The following PPM1F variants were observed in gnomAD, a reference collection of about 807,000 sequenced individuals.
The protein encoded by PPM1F is protein phosphatase, Mg2+/Mn2+ dependent 1F.
In PPM1F, 17 loss-of-function variants were observed where a neutral mutation model predicts 35.5. The observed-to-expected ratio is 0.48, with a 90% CI of 0.33 to 0.72. The LOEUF (loss-of-function observed/expected upper bound fraction) is 0.72, where lower values mean the gene tolerates loss of function less well. Among genes scored for constraint, PPM1F ranks in the 30% least tolerant of loss-of-function variants. PPM1F has a pLI of 0.02. For synonymous variants in PPM1F, 241 were observed against 255.5 expected, an observed-to-expected ratio of 0.94 and a Z score of 0.54; for missense variants, 521 against 613.0, an observed-to-expected ratio of 0.85 and a Z score of 1.59.
In PPM1F at chr22:21,922,983, T is replaced by C. The variant is rs2070464429; in HGVS notation, c.*109A>G. 9.2e-6 allele frequency: 13 copies of C among 1,413,338 alleles called. No homozygotes were observed. Among genetic ancestry groups the C allele is most frequent in the Non-Finnish European group, 1.2e-5 (13 of 1,044,450 alleles). 87.5% of individuals were successfully genotyped at this position (1,413,338 alleles called of 1,614,324 possible). A position where few individuals can be genotyped will look rare whatever the true frequency, so the allele number is the denominator to read the frequency against. On this transcript the variant is annotated 3_prime_UTR_variant, in exon 8 of 8. Transcript: ENST00000263212. ...GGCTCTGGGGTGCTGGGGAAAGCAC[T>C]GTGGGGCGGGCACCCTGTCCACTGC...
intron 7 of PPM1F, 53 bp downstream of exon 7, chr22:21,925,516 C>T (rs534379920): frequency 2.6e-6 from 4 of 1,544,660 alleles, no homozygotes; most frequent in Admixed American, 1.7e-5. Context: ...ACACTCGAGG[C>T]CTGGGCTTCC....
At position 21,926,359 on chromosome 22, in the gene PPM1F, C is replaced by G. The variant is rs181569848; in HGVS notation, c.892-697G>C. Among the ~76,000 whole-genome samples, 8 of 152,144 alleles carry G rather than the reference C, an allele frequency of 5.3e-5. No individual in the cohort carries two copies. In the East Asian group the frequency reaches 1.4e-3, roughly 26 times the overall value. ...AAGTTGGCCAGACTGGTCTCGATCT[C>G]CTGACCTCATGATCCACCCTCCTCG... On this transcript the variant is annotated intron_variant, in intron 6 of 7. Coordinates refer to ENST00000263212, the MANE Select transcript of PPM1F (RefSeq NM_014634.4).
At chr22:21,946,331 G>C (rs1053812763) in intron 1 of PPM1F, 3 of 338,728 alleles carry the variant, frequency 8.9e-6, no homozygotes, top group African/African-American at 2.1e-5. Context: ...GCAGCTGGGT[G>C]GACATTGTCA....
At chr22:21,923,515 C>T in intron 7 of PPM1F, 44 bp from the exon 8 acceptor site, 1 of 1,549,690 alleles carries the variant, frequency 6.5e-7, no homozygotes, top group Admixed American at 1.8e-5. Flanking sequence ...CCACGGTGTC[C>T]ACAGCTTCCT....
chr22:21,923,095 G>C lies in PPM1F; in HGVS notation c.1362C>G (p.Ser454Arg). Residue 454 changes from serine to arginine, a missense_variant, in exon 8 of 8, where the codon AGC (serine) becomes AGG (arginine). Ser to Arg is a moderately radical substitution (Grantham distance 110). Around this residue, in one of 3 missense-constraint regions of PPM1F, gnomAD observed 163 missense variants for 169.6 expected, o/e 0.96. Transcript: ENST00000263212. Reference protein sequence around the residue: ...PEPETQAPPRS With the variant: ...PEPETQAPPRR ...AGGGCAGGGGCCTGGAAACCACCTAGCTTCTTGGTGGAGCCTGGGTCTCAG... is the reference window on the plus strand; with the variant it reads ...AGGGCAGGGGCCTGGAAACCACCTACCTTCTTGGTGGAGCCTGGGTCTCAG... 2 of 1,599,646 alleles carry C rather than the reference G, an allele frequency of 1.3e-6. No homozygotes were observed. The highest frequency in any genetic ancestry group is 1.7e-6 in the Non-Finnish European group (2 of 1,173,548).
In PPM1F at chr22:21,923,056, A is replaced by C. The variant is rs1392559050; in HGVS notation, c.*36T>G. 1 of 1,557,874 alleles carries C rather than the reference A, an allele frequency of 6.4e-7. No homozygotes were observed. The highest frequency in any genetic ancestry group is 1.4e-5 in the African/African-American group (1 of 72,564). On this transcript the variant is annotated 3_prime_UTR_variant, in exon 8 of 8. Transcript: ENST00000263212. The stretch of plus-strand genomic sequence containing the variant: ...GCTTCTGAGGGAGAGAAGGACAAGG[A>C]TGGGAGGAAGGGGAGGGCAGGGGCC...
chr22:21,940,009 A>T (rs183967896), intron 2 of PPM1F, among the ~76,000 whole-genome samples: 1 of 152,064 alleles, frequency 6.6e-6, no homozygotes, highest in Admixed American at 6.5e-5. Context: ...GGGGGTGGGG[A>T]GTGTTCTGGG....
rs745776363 is a variant in PPM1F at position 21,928,519 on chromosome 22, C to G, written c.891+2629G>C. Among the ~76,000 whole-genome samples, 9 of 152,232 alleles carry G rather than the reference C, an allele frequency of 5.9e-5. No homozygotes were observed. The South Asian group carries it at 1.9e-3, about 32-fold the overall frequency. ...GCCTGGGGCAGTCCAGCTTTTCCAGCTGAAGGAGCAGCAGGTGGGTGGTCT... is the reference window on the plus strand; with the variant it reads ...GCCTGGGGCAGTCCAGCTTTTCCAGGTGAAGGAGCAGCAGGTGGGTGGTCT... On this transcript the variant is annotated intron_variant, in intron 6 of 7. Coordinates refer to ENST00000263212, the MANE Select transcript of PPM1F (RefSeq NM_014634.4).
chr22:21,951,081 C>A (rs575379096), intron 1 of PPM1F: 1 of 151,848 alleles, frequency 6.6e-6, no homozygotes, highest in Non-Finnish European at 1.5e-5. Flanking sequence ...CATTTCTAAG[C>A]GTACAGTTCC....
At chr22:21,938,100 G>A (rs2070680714) in intron 3 of PPM1F, 3 of 1,294,298 alleles carry the variant, frequency 2.3e-6, no homozygotes, top group South Asian at 1.2e-5. Context: ...GGAAGCAAGG[G>A]CAGGCGAGAC....
In PPM1F at chr22:21,921,423, CCT is replaced by C. The variant is rs1201888249; in HGVS notation, c.*1667_*1668del. 1 of 153,468 alleles carries C rather than the reference CCT, an allele frequency of 6.5e-6. No homozygotes were observed. The highest frequency in any genetic ancestry group is 2.4e-5 in the African/African-American group (1 of 41,594). 9.5% of individuals were successfully genotyped at this position (153,468 alleles called of 1,614,324 possible). On this transcript the variant is annotated 3_prime_UTR_variant, in exon 8 of 8. Coordinates refer to ENST00000263212, the MANE Select transcript of PPM1F (RefSeq NM_014634.4). Reference sequence around the variant, plus strand: ...TCCTGTGGCTTGGCCCTGCAGATGGCCTCTGAGTCCTCCCCTAGCCCCCTGCC... The same window carrying C: ...TCCTGTGGCTTGGCCCTGCAGATGGCCTGAGTCCTCCCCTAGCCCCCTGCC...
At chr22:21,933,867 T>C (rs1396729978) in intron 4 of PPM1F, among the ~76,000 whole-genome samples, 157 bp downstream of exon 4, 1 of 152,156 alleles carries the variant, frequency 6.6e-6, no homozygotes, top group South Asian at 2.1e-4. Flanking sequence ...AGACTCACAC[T>C]GTTGCCCTTC....
chr22:21,922,837 T>C lies in PPM1F; in HGVS notation c.*255A>G. ...GTCCCACCCCGGGCCTAATAGGAGCTGGGAGCAAGAGCCGGTCCATCTTCT... is the reference window on the plus strand; with the variant it reads ...GTCCCACCCCGGGCCTAATAGGAGCCGGGAGCAAGAGCCGGTCCATCTTCT... On this transcript the variant is annotated 3_prime_UTR_variant, in exon 8 of 8. Transcript: ENST00000263212. 2.0e-6 allele frequency: 1 copy of C among 492,732 alleles called. No individual in the cohort carries two copies. The allele number at this position is 492,732 out of a possible 1,614,324, so 30.5% of individuals were successfully genotyped here.
Position 21,938,105 on chromosome 22 carries a change from C to A in PPM1F, c.355+1427G>T, listed in dbSNP as rs559414212. 6.2e-6 allele frequency: 8 copies of A among 1,295,866 alleles called. No individual in the cohort carries two copies. The African/African-American group carries it at 1.1e-4, about 17-fold the overall frequency. The allele number at this position is 1,295,866 out of a possible 1,614,324, so 80.3% of individuals were successfully genotyped here. ...TGACAGACGGGGAAGCAAGGGCAGG[C>A]GAGACTTCCTTCTAGCTGCGCCCTC... On this transcript the variant is annotated intron_variant, in intron 3 of 7. Coordinates refer to ENST00000263212, the MANE Select transcript of PPM1F (RefSeq NM_014634.4).
intron 3 of PPM1F, chr22:21,938,352 A>C: frequency 8.4e-7 from 1 of 1,185,104 alleles, no homozygotes; most frequent in Non-Finnish European, 1.1e-6. Context: ...GCCGAGAACA[A>C]TGGCCGCCTG....
chr22:21,950,836 G>C (rs1019300242), intron 1 of PPM1F: 2 of 151,886 alleles, frequency 1.3e-5, no homozygotes, highest in Admixed American at 1.3e-4. Context: ...TGTTGGCCAG[G>C]CTGGTCTCGA....
intron 7 of PPM1F, among the ~76,000 whole-genome samples, chr22:21,923,847 G>GTTT (rs56102816): frequency 7.3e-6 from 1 of 136,428 alleles, no homozygotes; most frequent in Non-Finnish European, 1.6e-5. Context: ...CCAGCTAATT[G>GTTT]TTTTTTTTTT....
intron 5 of PPM1F, among the ~76,000 whole-genome samples, chr22:21,931,730 C>A (rs1022450549): frequency 1.3e-5 from 2 of 151,962 alleles, no homozygotes; most frequent in Non-Finnish European, 2.9e-5. Flanking sequence ...CTTTCCCAGG[C>A]TGGTCTTGAA....
chr22:21,925,922 C>T (rs2070508788), intron 6 of PPM1F: 1 of 403,842 alleles, frequency 2.5e-6, no homozygotes, highest in Non-Finnish European at 4.4e-6. Context: ...GCGGTGCCTG[C>T]GCCCCTGGGC....
Sources: gnomAD v4.1 joint callset for allele counts (sites outside exome capture counted in the v4.1 genomes callset) on GRCh38, gnomAD v4.1.1 for gene constraint, gnomAD v4.1.1 regional missense constraint, MANE v1.5 for transcripts, NCBI Gene and HGNC (gene_info 2026-07-23, HGNC 2026-07-21) for gene names.